Variants in ELOVL5 observed in about 807,000 individuals in gnomAD.
ELOVL5 encodes the protein very long chain fatty acid elongase 5.
In ELOVL5, 8 loss-of-function variants were observed where a neutral mutation model predicts 38.6. The ratio of observed to expected loss-of-function variants is 0.21; its 90% CI spans 0.12 to 0.37. The LOEUF is 0.37. Among genes scored for constraint, ELOVL5 ranks in the 10% least tolerant of loss-of-function variants. The pLI, the probability that ELOVL5 is intolerant of heterozygous loss-of-function variation, is 1.00. For synonymous variants in ELOVL5, 127 were observed against 133.7 expected (o/e 0.95, Z 0.34); for missense variants, 280 against 367.8 (o/e 0.76, Z 1.95).
At position 53,334,871 on chromosome 6, in the gene ELOVL5, G is replaced by A. The variant is rs188447432; in HGVS notation, c.-9+13946C>T. ...CCTCTGCAATGGACACCAGGATTCA[G>A]GTCCTGTTGCTGGCTCCAAAATGCC... On this transcript the variant is annotated intron_variant, in intron 1 of 7. Coordinates refer to ENST00000304434, the MANE Select transcript of ELOVL5 (RefSeq NM_021814.5). 9.7e-4 allele frequency among the ~76,000 whole-genome samples: 147 copies of A among 152,220 alleles called. 2 individuals carry two copies. Among genetic ancestry groups the A allele is most frequent in the African/African-American group, 3.2e-3 (134 of 41,520 alleles).
chr6:53,290,579 A>C (rs567281227), intron 3 of ELOVL5: 1 of 152,316 alleles, frequency 6.6e-6, no homozygotes, highest in South Asian at 2.1e-4. Flanking sequence ...AGTTGTAAGC[A>C]TTTCTTGGCA....
chr6:53,273,351 G>A lies in ELOVL5; in HGVS notation c.497-7C>T, dbSNP rs757325632. 2 of 1,613,016 alleles carry A rather than the reference G, an allele frequency of 1.2e-6. No individual in the cohort carries two copies. Among genetic ancestry groups the A allele is most frequent in the African/African-American group, 2.7e-5 (2 of 74,960 alleles). On this transcript the variant is annotated splice_region_variant and splice_polypyrimidine_tract_variant and intron_variant, in intron 5 of 7. Coordinates refer to ENST00000304434, the MANE Select transcript of ELOVL5 (RefSeq NM_021814.5). ...AGTGTGGCACCAAAATAAGCTGCAG[G>A]AACAGAGGGATTTGGGAAGGAGAAT... is the stretch of plus-strand genomic sequence containing the variant.
chr6:53,284,794 A>AT (rs34046972), intron 3 of ELOVL5, among the ~76,000 whole-genome samples: 55,142 of 151,852 alleles, frequency 0.36, 11,129 homozygotes, highest in African/African-American at 0.55. Context: ...AATATTTCAA[A>AT]TTTTTTCACT....
intron 1 of ELOVL5, chr6:53,336,943 C>T (rs1028816862): frequency 5.9e-5 from 9 of 152,130 alleles, no homozygotes; most frequent in African/African-American, 1.9e-4. Flanking sequence ...GGGCTTACTG[C>T]TATGATTTCT....
chr6:53,272,581 T>A (rs968143825), intron 6 of ELOVL5, among the ~76,000 whole-genome samples: 8 of 152,154 alleles, frequency 5.3e-5, no homozygotes, highest in African/African-American at 1.4e-4. Flanking sequence ...CATAGACGAA[T>A]TCATGAGAGG....
At chr6:53,270,254 C>T (rs909374287) in intron 7 of ELOVL5, among the ~76,000 whole-genome samples, 2 of 152,214 alleles carry the variant, frequency 1.3e-5, no homozygotes, top group Admixed American at 6.5e-5. Flanking sequence ...TTCATTTGGC[C>T]ATGACGTTCA....
intron 1 of ELOVL5, among the ~76,000 whole-genome samples, chr6:53,300,307 T>C (rs1243424098): frequency 6.6e-6 from 1 of 152,200 alleles, no homozygotes; most frequent in Non-Finnish European, 1.5e-5. Flanking sequence ...CTCAATACCA[T>C]GTACTCATTT....
chr6:53,284,289 G>A (rs910636190), intron 3 of ELOVL5, among the ~76,000 whole-genome samples: 1 of 141,938 alleles, frequency 7.0e-6, no homozygotes, highest in South Asian at 2.3e-4. Context: ...CTGGGCAACA[G>A]AGCAAGACCA....
chr6:53,279,191 A>G (rs1766263577), intron 3 of ELOVL5, among the ~76,000 whole-genome samples: 1 of 152,188 alleles, frequency 6.6e-6, no homozygotes, highest in South Asian at 2.1e-4. Context: ...TGAAGTACAT[A>G]ATGCCTGTCT....
chr6:53,323,538 G>C (rs1768380019), intron 1 of ELOVL5, among the ~76,000 whole-genome samples: 1 of 147,256 alleles, frequency 6.8e-6, no homozygotes, highest in Admixed American at 6.8e-5. Flanking sequence ...AAACTTCATG[G>C]AATGAGAAAT....
At chr6:53,305,339 C>A (rs1174792390) in intron 1 of ELOVL5, among the ~76,000 whole-genome samples, 2 of 135,620 alleles carry the variant, frequency 1.5e-5, no homozygotes, top group African/African-American at 3.0e-5. Context: ...CTGACCCCCC[C>A]ACCTCCCTCC....
At chr6:53,305,228 G>C (rs1317246303) in intron 1 of ELOVL5, among the ~76,000 whole-genome samples, 1 of 148,130 alleles carries the variant, frequency 6.8e-6, no homozygotes, top group Non-Finnish European at 1.5e-5. Flanking sequence ...CCTCCCGGAC[G>C]GGGCGGCTGG....
chr6:53,277,472 G>C (rs910206512), intron 3 of ELOVL5, among the ~76,000 whole-genome samples: 1 of 152,196 alleles, frequency 6.6e-6, no homozygotes, highest in East Asian at 1.9e-4. Flanking sequence ...CAGCACCTGG[G>C]GCAAGCCAGC....
intron 1 of ELOVL5, among the ~76,000 whole-genome samples, chr6:53,334,205 C>T (rs938546865): frequency 6.6e-5 from 10 of 152,034 alleles, no homozygotes; most frequent in Admixed American, 6.6e-4. Context: ...AACCCATTTC[C>T]CCTTTTCCAG....
intron 1 of ELOVL5, among the ~76,000 whole-genome samples, chr6:53,318,843 G>T (rs1480232941): frequency 6.6e-6 from 1 of 151,768 alleles, no homozygotes; most frequent in Admixed American, 6.5e-5. Flanking sequence ...TAGTATATTT[G>T]ATTTAACCCA....
intron 1 of ELOVL5, among the ~76,000 whole-genome samples, chr6:53,296,087 A>C (rs1170330199): frequency 6.6e-6 from 1 of 152,180 alleles, no homozygotes; most frequent in Non-Finnish European, 1.5e-5. Flanking sequence ...AGGTAAGACA[A>C]GGAAGAGCCA....
chr6:53,283,718 A>G (rs927104784), intron 3 of ELOVL5, among the ~76,000 whole-genome samples: 5 of 152,234 alleles, frequency 3.3e-5, no homozygotes, highest in Non-Finnish European at 5.9e-5. Flanking sequence ...GTGCCTAGAA[A>G]GAAAAAAAGA....
At chr6:53,276,697 G>C (rs1446902951) in intron 3 of ELOVL5, among the ~76,000 whole-genome samples, 2 of 152,084 alleles carry the variant, frequency 1.3e-5, no homozygotes, top group Non-Finnish European at 2.9e-5. Context: ...ATGGGTCCCT[G>C]GGGGTGTTTC....
At chr6:53,272,326 AG>A (rs1353207951) in intron 6 of ELOVL5, among the ~76,000 whole-genome samples, 5 of 152,284 alleles carry the variant, frequency 3.3e-5, no homozygotes, top group African/African-American at 9.6e-5. Context: ...TGGTAGAGAC[AG>A]GGCCTCACTA....
Sources: gnomAD v4.1 joint callset for allele counts (sites outside exome capture counted in the v4.1 genomes callset) on GRCh38, gnomAD v4.1.1 for gene constraint, MANE v1.5 for transcripts, NCBI Gene and HGNC (gene_info 2026-07-23, HGNC 2026-07-21) for gene names.